The following IL1RAPL1 variants were observed in gnomAD, a reference collection of about 807,000 sequenced individuals.
IL1RAPL1 encodes interleukin 1 receptor accessory protein like 1, also known as interleukin-1 receptor accessory protein-like 1.
In IL1RAPL1, 3 loss-of-function variants were observed where a neutral mutation model predicts 48.4. The observed-to-expected ratio is 0.06, with a 90% CI of 0.03 to 0.16. The LOEUF is 0.16. Ranked by LOEUF, IL1RAPL1 falls within the 10% of genes least tolerant of loss-of-function variation. IL1RAPL1 has a pLI of 1.00. For missense variants in IL1RAPL1, 349 were observed against 530.6 expected (o/e 0.66, Z 3.36); for synonymous variants, 185 against 187.7 (o/e 0.99, Z 0.12).
chrX:29,747,274 A>C (rs1928356376), intron 6 of IL1RAPL1, among the ~76,000 whole-genome samples: 1 of 112,467 alleles, frequency 8.9e-6, no homozygotes. Context: ...TTCTGAAGCC[A>C]GGACAGCCTT....
chrX:29,317,314 A>G (rs1246664651), intron 3 of IL1RAPL1, among the ~76,000 whole-genome samples: 1 of 112,282 alleles, frequency 8.9e-6, no homozygotes, highest in Non-Finnish European at 1.9e-5. Context: ...CAATGAAAGC[A>G]AGTTCCTTTT....
intron 5 of IL1RAPL1, among the ~76,000 whole-genome samples, chrX:29,522,077 T>C (rs896300167): frequency 9.8e-5 from 11 of 112,153 alleles, no homozygotes; most frequent in African/African-American, 3.6e-4. Flanking sequence ...TGCATATCAT[T>C]TAAGAGGCCA....
At chrX:28,665,672 G>A (rs1335350229) in intron 1 of IL1RAPL1, among the ~76,000 whole-genome samples, 1 of 110,573 alleles carries the variant, frequency 9.0e-6, no homozygotes, top group Non-Finnish European at 1.9e-5. Flanking sequence ...TGTATTTTCA[G>A]TAGAGACAGG....
At chrX:29,256,539 G>A (rs1021729272) in intron 2 of IL1RAPL1, among the ~76,000 whole-genome samples, 1 of 111,300 alleles carries the variant, frequency 9.0e-6, no homozygotes, top group African/African-American at 3.3e-5. Context: ...TTATCCAGCC[G>A]GTTCATTCTA....
intron 1 of IL1RAPL1, among the ~76,000 whole-genome samples, chrX:28,626,479 T>C (rs1336660085): frequency 2.7e-5 from 3 of 112,082 alleles, no homozygotes; most frequent in Non-Finnish European, 3.8e-5. Context: ...ACTGTGTTTC[T>C]TATATAATTA....
At chrX:29,169,837 T>G (rs2147512247) in intron 2 of IL1RAPL1, among the ~76,000 whole-genome samples, 1 of 111,063 alleles carries the variant, frequency 9.0e-6, no homozygotes, top group South Asian at 3.7e-4. Flanking sequence ...ATAATTAGAT[T>G]TAATATCTAT....
In IL1RAPL1 at chrX:29,555,543, G is replaced by A. The variant is rs182325205; in HGVS notation, c.704-112887G>A. ...CACTATCCTCATCTCTTGAAGAGATGGCTAGCCATTTCTTCTGTGATGTCT... is the reference window on the plus strand; with the variant it reads ...CACTATCCTCATCTCTTGAAGAGATAGCTAGCCATTTCTTCTGTGATGTCT... On this transcript the variant is annotated intron_variant, in intron 5 of 10. Transcript: ENST00000378993. Among the ~76,000 whole-genome samples the A allele has an allele frequency of 3.6e-5, 4 of 111,979 alleles. No individual in the cohort carries two copies. In the South Asian group the frequency reaches 1.5e-3, roughly 42 times the overall value.
intron 2 of IL1RAPL1, among the ~76,000 whole-genome samples, chrX:29,255,142 CGTGT>C (rs200536177): frequency 6.4e-5 from 4 of 62,403 alleles, no homozygotes; most frequent in Middle Eastern, 8.6e-3. Flanking sequence ...TGTGTGTGTG[CGTGT>C]GTGTGTGTGT....
chrX:29,155,362 T>A (rs1246492344), intron 2 of IL1RAPL1, among the ~76,000 whole-genome samples: 1 of 111,646 alleles, frequency 9.0e-6, no homozygotes, highest in African/African-American at 3.3e-5. Context: ...TTCTATTGAG[T>A]TGAAATACAT....
chrX:28,657,149 T>G (rs1266679535), intron 1 of IL1RAPL1, among the ~76,000 whole-genome samples: 3 of 111,704 alleles, frequency 2.7e-5, no homozygotes, highest in Non-Finnish European at 3.8e-5. Context: ...GCTGTACGTA[T>G]AGTAGATGGC....
In IL1RAPL1 at chrX:29,617,102, G is replaced by C. The variant is rs763913025; in HGVS notation, c.704-51328G>C. Among the ~76,000 whole-genome samples the C allele has an allele frequency of 1.3e-4, 14 of 111,301 alleles. No individual in the cohort carries two copies. In the South Asian group the frequency reaches 3.5e-3, roughly 27 times the overall value. ...TAGGAGCATGTAGCGCTGACTCACT[G>C]TCTGATTATCATCACTCTTTTAATG... On this transcript the variant is annotated intron_variant, in intron 5 of 10. Coordinates refer to ENST00000378993, the MANE Select transcript of IL1RAPL1 (RefSeq NM_014271.4).
intron 5 of IL1RAPL1, among the ~76,000 whole-genome samples, chrX:29,548,036 T>TCTACA (rs1921683491): frequency 8.9e-6 from 1 of 112,461 alleles, no homozygotes; most frequent in East Asian, 2.8e-4. Context: ...TCTCCACCTT[T>TCTACA]GCCTTCTACA....
At chrX:29,708,236 T>G (rs1927252750) in intron 6 of IL1RAPL1, among the ~76,000 whole-genome samples, 1 of 111,664 alleles carries the variant, frequency 9.0e-6, no homozygotes. Flanking sequence ...TTTCATCAAT[T>G]TACCATACTA....
intron 6 of IL1RAPL1, among the ~76,000 whole-genome samples, chrX:29,783,155 C>A (rs1834764859): frequency 9.1e-6 from 1 of 109,944 alleles, no homozygotes; most frequent in Admixed American, 9.7e-5. Context: ...CCGCCCGCCT[C>A]GGCCTCCCAA....
intron 6 of IL1RAPL1, among the ~76,000 whole-genome samples, chrX:29,863,821 C>T (rs1156872917): frequency 9.1e-6 from 1 of 110,167 alleles, no homozygotes; most frequent in Non-Finnish European, 1.9e-5. Context: ...GAGTCTCACT[C>T]TGTCGCTCAG....
chrX:29,514,765 T>C (rs1935429092), intron 5 of IL1RAPL1, among the ~76,000 whole-genome samples: 1 of 112,583 alleles, frequency 8.9e-6, no homozygotes, highest in Non-Finnish European at 1.9e-5. Context: ...AATTGTTATA[T>C]GCAGCTATAT....
At chrX:29,246,699 T>C (rs919581249) in intron 2 of IL1RAPL1, among the ~76,000 whole-genome samples, 2 of 111,466 alleles carry the variant, frequency 1.8e-5, no homozygotes, top group African/African-American at 6.5e-5. Context: ...ATGGGTTCTC[T>C]CTTCTATGTT....
At chrX:29,697,062 A>T (rs1461458349) in intron 6 of IL1RAPL1, among the ~76,000 whole-genome samples, 1 of 111,736 alleles carries the variant, frequency 8.9e-6, no homozygotes, top group African/African-American at 3.3e-5. Flanking sequence ...TTTATAGGTC[A>T]CTGTCATGTA....
intron 3 of IL1RAPL1, among the ~76,000 whole-genome samples, chrX:29,363,751 C>T (rs1023562375): frequency 1.3e-4 from 14 of 110,690 alleles, no homozygotes; most frequent in African/African-American, 1.6e-4. Context: ...AGGGGAGTGC[C>T]GCACACTTTT....
Sources: allele counts gnomAD v4.1 joint callset (sites outside exome capture counted in the v4.1 genomes callset), GRCh38; gene constraint gnomAD v4.1.1; transcripts MANE v1.5; gene names NCBI Gene and HGNC (gene_info 2026-07-23, HGNC 2026-07-21).